The following STK10 variants were observed in gnomAD, a reference collection of about 807,000 sequenced individuals.
STK10 encodes the protein serine/threonine kinase 10, also known as serine/threonine-protein kinase 10.
A neutral mutation model predicts 113.8 loss-of-function variants in STK10; 78 were observed. That is an observed-to-expected ratio of 0.69 (90% CI 0.57 to 0.83). The LOEUF is 0.83. STK10 is among the 40% of genes least tolerant of loss of function. The pLI, the probability that STK10 is intolerant of heterozygous loss-of-function variation, is 0.00. For synonymous variants in STK10, 465 were observed against 494.7 expected, an observed-to-expected ratio of 0.94 and a Z score of 0.80; for missense variants, 1,109 against 1,280.1, an observed-to-expected ratio of 0.87 and a Z score of 2.04.
At chr5:172,084,642 G>T (rs1032352842) in intron 10 of STK10, among the ~76,000 whole-genome samples, 13 of 151,718 alleles carry the variant, frequency 8.6e-5, no homozygotes, top group African/African-American at 3.1e-4. Context: ...AAAATGAAGA[G>T]GGAAATTTTT....
intron 3 of STK10, among the ~76,000 whole-genome samples, chr5:172,125,879 A>AT (rs1282367192): frequency 6.6e-6 from 1 of 152,164 alleles, no homozygotes; most frequent in Non-Finnish European, 1.5e-5. Context: ...TTAGCATTAT[A>AT]TTTTTGGGAT....
At chr5:172,142,346 A>C (rs1265603624) in intron 2 of STK10, among the ~76,000 whole-genome samples, 4 of 152,168 alleles carry the variant, frequency 2.6e-5, no homozygotes, top group Admixed American at 2.6e-4. Context: ...CTGGGAATAA[A>C]TATTGACACC....
chr5:172,146,368 C>T (rs1360925322), intron 2 of STK10, among the ~76,000 whole-genome samples: 1 of 152,198 alleles, frequency 6.6e-6, no homozygotes, highest in Admixed American at 6.5e-5. Flanking sequence ...GGGACAGAGG[C>T]CACGATAGCT....
chr5:172,048,414 TACACAC>T (rs370301917), intron 18 of STK10, among the ~76,000 whole-genome samples: 2,477 of 128,476 alleles, frequency 0.019, 101 homozygotes, highest in African/African-American at 0.07. Flanking sequence ...TCCCTCTCCC[TACACAC>T]ACACACACAC....
At chr5:172,128,133 G>A (rs1051275236) in intron 2 of STK10, among the ~76,000 whole-genome samples, 1 of 146,194 alleles carries the variant, frequency 6.8e-6, no homozygotes, top group South Asian at 2.1e-4. Flanking sequence ...CAGAAAGGAC[G>A]ATTACAGTAG....
At chr5:172,114,066 T>A (rs1340846755) in intron 4 of STK10, among the ~76,000 whole-genome samples, 2 of 152,166 alleles carry the variant, frequency 1.3e-5, no homozygotes, top group Non-Finnish European at 2.9e-5. Context: ...ATGACTCCCA[T>A]TTTACAGATA....
At chr5:172,081,318 T>C (rs1768422821) in intron 12 of STK10, among the ~76,000 whole-genome samples, 1 of 132,222 alleles carries the variant, frequency 7.6e-6, no homozygotes, top group African/African-American at 3.0e-5. Context: ...GCCACTGCAC[T>C]CCAGCCTGGG....
intron 2 of STK10, among the ~76,000 whole-genome samples, chr5:172,144,115 C>A (rs1485495062): frequency 6.6e-6 from 1 of 152,240 alleles, no homozygotes; most frequent in African/African-American, 2.4e-5. Flanking sequence ...TACAAATATT[C>A]CTGTTTTACA....
intron 2 of STK10, among the ~76,000 whole-genome samples, chr5:172,151,334 T>G (rs2087607): frequency 0.53 from 80,570 of 151,674 alleles, 23,926 homozygotes; most frequent in African/African-American, 0.82. Context: ...CGTTTTTCTT[T>G]TTTTTCTTTT....
chr5:172,096,342 C>A, intron 8 of STK10, 84 bp downstream of exon 8: 1 of 1,574,646 alleles, frequency 6.4e-7, no homozygotes, highest in Admixed American at 1.7e-5. Context: ...GAGTCCTGGC[C>A]TTCCCTGCCC....
At chr5:172,121,183 G>C (rs1030056535) in intron 3 of STK10, among the ~76,000 whole-genome samples, 5 of 151,532 alleles carry the variant, frequency 3.3e-5, no homozygotes, top group Admixed American at 1.3e-4. Flanking sequence ...CATGTGCCAC[G>C]ACGCCCGGCT....
At position 172,187,731 on chromosome 5, in the gene STK10, C is replaced by T. The variant is rs967900638; in HGVS notation, c.156+156G>A. On this transcript the variant is annotated intron_variant, in intron 1 of 18. Coordinates refer to ENST00000176763, the MANE Select transcript of STK10 (RefSeq NM_005990.4). This position sits in a 1 kb window ranked among gnomAD's most constrained non-coding sequence, Gnocchi z 4.6. ...CGGCCGGGCCGAGTGATGTTCCCCC[C>T]AAAAAACAAGAGTCATCGGGATGAG... Among the ~76,000 whole-genome samples, 1 of 152,310 alleles carries T rather than the reference C, an allele frequency of 6.6e-6. No homozygotes were observed. Among genetic ancestry groups the T allele is most frequent in the East Asian group, 1.9e-4 (1 of 5,164 alleles).
intron 2 of STK10, among the ~76,000 whole-genome samples, chr5:172,136,601 T>C (rs1032045392): frequency 8.0e-6 from 1 of 125,046 alleles, no homozygotes; most frequent in Non-Finnish European, 1.5e-5. Context: ...CGTCTCAAAA[T>C]AAATAAATAA....
intron 2 of STK10, among the ~76,000 whole-genome samples, chr5:172,145,694 C>T (rs911749849): frequency 6.6e-6 from 1 of 152,240 alleles, no homozygotes; most frequent in African/African-American, 2.4e-5. Context: ...AACAGAATGA[C>T]CTTGGGACAA....
In STK10 at chr5:172,047,356, C is replaced by T. The variant is rs75706669; in HGVS notation, c.2767-2334G>A. On this transcript the variant is annotated intron_variant, in intron 18 of 18. Coordinates refer to ENST00000176763, the MANE Select transcript of STK10 (RefSeq NM_005990.4). ...GACATAAGGCAATAGCTAGAGGAAA[C>T]GCGATCATTCATTTTCAAACTCTCT... 3.5e-3 allele frequency among the ~76,000 whole-genome samples: 539 copies of T among 152,310 alleles called. 2 individuals carry two copies. Among genetic ancestry groups the T allele is most frequent in the African/African-American group, 0.012 (517 of 41,570 alleles).
Position 172,106,649 on chromosome 5 carries a change from G to T in STK10, c.759C>A (p.Asp253Glu). 2.5e-6 allele frequency: 4 copies of T among 1,613,114 alleles called. No individual in the cohort carries two copies. Among genetic ancestry groups the T allele is most frequent in the Non-Finnish European group, 2.5e-6 (3 of 1,179,992 alleles). ...TAGAGGGCGTGAGCAGCGTGGGAGG[G>T]TCCGACTTGGCGATCTTTAGCAGGA... is the stretch of plus-strand genomic sequence containing the variant. Reference protein sequence around the residue: ...MRVLLKIAKSDPPTLLTPSKW... With the variant: ...MRVLLKIAKSEPPTLLTPSKW... The change falls in exon 6 of 19, where the codon GAC (aspartate) becomes GAA (glutamate). Residue 253 changes from aspartate to glutamate, a missense_variant. Asp to Glu is a conservative substitution (Grantham distance 45). Coordinates refer to ENST00000176763, the MANE Select transcript of STK10 (RefSeq NM_005990.4).
chr5:172,150,719 G>A (rs371071396), intron 2 of STK10, among the ~76,000 whole-genome samples: 3 of 152,276 alleles, frequency 2.0e-5, no homozygotes, highest in African/African-American at 7.2e-5. Flanking sequence ...GCAACGTGTG[G>A]TCATATGGGG....
chr5:172,146,802 C>T (rs1014011659), intron 2 of STK10, among the ~76,000 whole-genome samples: 3 of 152,204 alleles, frequency 2.0e-5, no homozygotes, highest in Admixed American at 2.0e-4. Context: ...GTTCTCACAC[C>T]ACAATCATCA....
Position 172,117,619 on chromosome 5 carries a change from C to T in STK10, c.382G>A (p.Gly128Ser), listed in dbSNP as rs1769416576. ...VDAIMLELDR[G>S]LTEPQIQVVC... Reference sequence around the variant, plus strand: ...ACCTGTATCTGGGGCTCCGTGAGGCCTCTGTCCAGCTCTGGAAATGGAGGA... The same window carrying T: ...ACCTGTATCTGGGGCTCCGTGAGGCTTCTGTCCAGCTCTGGAAATGGAGGA... Residue 128 changes from glycine to serine, a missense_variant, in exon 4 of 19, where the codon GGC becomes AGC. By Grantham distance (56) the Gly-to-Ser change is moderately conservative. Transcript: ENST00000176763. The T allele has an allele frequency of 1.2e-6, 2 of 1,613,982 alleles. No individual in the cohort carries two copies. Among genetic ancestry groups the T allele is most frequent in the Admixed American group, 1.7e-5 (1 of 60,002 alleles).
Sources: allele counts gnomAD v4.1 joint callset (sites outside exome capture counted in the v4.1 genomes callset), GRCh38; gene constraint gnomAD v4.1.1; non-coding constraint Gnocchi (gnomAD v3.1); transcripts MANE v1.5; gene names NCBI Gene and HGNC (gene_info 2026-07-23, HGNC 2026-07-21).